SLC2A5: variants seen among roughly 807,000 people sequenced by gnomAD.
SLC2A5 encodes the protein solute carrier family 2, facilitated glucose transporter member 5.
Under a neutral mutation model 50.3 loss-of-function variants are expected in SLC2A5, and 56 were observed. The ratio of observed to expected loss-of-function variants is 1.11; its 90% CI spans 0.90 to 1.39. The LOEUF (loss-of-function observed/expected upper bound fraction) is 1.39, where lower values mean the gene tolerates loss of function less well. Among genes scored for constraint, SLC2A5 ranks in the 40% most tolerant of loss-of-function variants. The probability of loss-of-function intolerance (pLI) is 0.00; values close to 1 mark genes in which losing one functional copy is unlikely to be tolerated. For missense variants in SLC2A5, 566 were observed against 650.1 expected, an observed-to-expected ratio of 0.87 and a Z score of 1.41; for synonymous variants, 269 against 281.9, an observed-to-expected ratio of 0.95 and a Z score of 0.46.
At chr1:9,042,790 T>C (rs1413012847) in intron 4 of SLC2A5, among the ~76,000 whole-genome samples, 2 of 152,076 alleles carry the variant, frequency 1.3e-5, no homozygotes, top group African/African-American at 4.8e-5. Context: ...AATAAACCAA[T>C]GCAGAGATAG....
chr1:9,093,942 A>T, the SLC2A5 span, among the ~76,000 whole-genome samples: 1 of 151,118 alleles, frequency 6.6e-6, no homozygotes. Context: ...TCCAGGGCAG[A>T]TCAGGCCAAC....
At chr1:9,058,347 G>A in intron 1 of SLC2A5, 97 bp from the exon 2 acceptor site, 1 of 842,398 alleles carries the variant, frequency 1.2e-6, no homozygotes, top group Non-Finnish European at 2.0e-6. Flanking sequence ...AGAATCTGAA[G>A]ATCCATAGTC....
chr1:9,038,120 A>G lies in SLC2A5; in HGVS notation c.1175-96T>C, dbSNP rs1641185062. The G allele has an allele frequency of 4.9e-6, 7 of 1,431,140 alleles. No individual in the cohort carries two copies. In the South Asian group the frequency reaches 7.8e-5, roughly 16 times the overall value. 88.7% of individuals were successfully genotyped at this position (1,431,140 alleles called of 1,614,324 possible). ...CCCACCAGGTAGCTGGCCCCAGGAC[A>G]GAGGCGTCTCCAGGACTCTTGGGCA... is the stretch of plus-strand genomic sequence containing the variant. On this transcript the variant is annotated intron_variant, in intron 10 of 11. Transcript: ENST00000377424.
chr1:9,042,338 A>T (rs181614059), intron 4 of SLC2A5, among the ~76,000 whole-genome samples: 90 of 152,194 alleles, frequency 5.9e-4, no homozygotes, highest in Non-Finnish European at 1.2e-3. Flanking sequence ...GGGAGGATAG[A>T]TTACTTGGGG....
At chr1:9,070,836 CTGTG>C (rs111643348), upstream of SLC2A5, among the ~76,000 whole-genome samples, 1 of 150,044 alleles carries the variant, frequency 6.7e-6, no homozygotes, top group East Asian at 2.0e-4. Flanking sequence ...GCGTGGCCGT[CTGTG>C]TGTGTGTGTG....
intron 4 of SLC2A5, among the ~76,000 whole-genome samples, chr1:9,046,525 T>C (rs1166130166): frequency 2.0e-5 from 3 of 152,300 alleles, no homozygotes; most frequent in African/African-American, 7.2e-5. Flanking sequence ...AACTTTAAAT[T>C]GCCCTATAAA....
upstream of SLC2A5, among the ~76,000 whole-genome samples, chr1:9,073,580 G>T (rs553674259): frequency 6.6e-6 from 1 of 152,324 alleles, no homozygotes; most frequent in South Asian, 2.1e-4. Flanking sequence ...ACTTAGTAGG[G>T]AAGAAAAATA....
Position 9,038,846 on chromosome 1 carries a change from A to T in SLC2A5, c.1080T>A (p.Thr360=). 6.2e-7 allele frequency: 1 copy of T among 1,611,746 alleles called. No individual in the cohort carries two copies. Among genetic ancestry groups the T allele is most frequent in the African/African-American group, 1.3e-5 (1 of 75,042 alleles). Residue 360 remains threonine, a synonymous_variant, in exon 9 of 12, where the codon ACT becomes ACA. Transcript: ENST00000377424. Reference sequence around the variant, plus strand: ...TCCTCACCTGCAGTGCCAGAGCTGCAGTGAGCACGCAGCAGGCTATGAGGC... The same window carrying T: ...TCCTCACCTGCAGTGCCAGAGCTGCTGTGAGCACGCAGCAGGCTATGAGGC... The part of the protein sequence containing the change: ...SICLIACCVL[T]AALALQDTVS...
At chr1:9,086,277 AAAGG>A (rs1483345765) in intron 1 of SLC2A5, among the ~76,000 whole-genome samples, 1 of 152,200 alleles carries the variant, frequency 6.6e-6, no homozygotes, top group Non-Finnish European at 1.5e-5. Context: ...GCATTGCAGT[AAAGG>A]AAGAGTTTAA....
At chr1:9,063,710 T>A (rs1282013180) in intron 1 of SLC2A5, among the ~76,000 whole-genome samples, 4 of 68,314 alleles carry the variant, frequency 5.9e-5, no homozygotes, top group East Asian at 7.0e-4. Context: ...TTTTTTTTTT[T>A]TTGAGACGGA....
At chr1:9,049,332 A>G in intron 3 of SLC2A5, 1 of 382,812 alleles carries the variant, frequency 2.6e-6, no homozygotes, top group Non-Finnish European at 5.2e-6. Flanking sequence ...TCATAAAATA[A>G]GGAATCCAAA....
chr1:9,039,801 G>A lies in SLC2A5; in HGVS notation c.884C>T (p.Ala295Val), dbSNP rs745684759. Residue 295 changes from alanine (A) to valine (V), a missense_variant and splice_region_variant, in exon 7 of 12, where the codon GCT becomes GTT. Ala to Val is a moderately conservative substitution (Grantham distance 64). Transcript: ENST00000377424. ...MGGQQLSGVNAIYYYADQIYL... is the reference protein window; with the variant it reads ...MGGQQLSGVNVIYYYADQIYL... ...CCCGAGCCGCAGCCCGGCCCATACA[G>A]CGTTGACGCCCGACAGCTGCTGGCC... The A allele has an allele frequency of 3.2e-6, 5 of 1,578,058 alleles. No individual in the cohort carries two copies. Among genetic ancestry groups the A allele is most frequent in the Middle Eastern group, 3.3e-4 (2 of 5,992 alleles).
chr1:9,060,451 TC>T (rs1472999270), intron 1 of SLC2A5, among the ~76,000 whole-genome samples: 21 of 69,906 alleles, frequency 3.0e-4, no homozygotes, highest in Non-Finnish European at 3.3e-4. Context: ...CACACACACC[TC>T]CCACACACAC....
At position 9,059,408 on chromosome 1, in the gene SLC2A5, A is replaced by C. The variant is rs186869205; in HGVS notation, c.34-1158T>G. On this transcript the variant is annotated intron_variant, in intron 1 of 11. Transcript: ENST00000377424. Reference sequence around the variant, plus strand: ...TCTGCCTGCCTTGGCCTCCCAAAGTACTGGGATTACAGGCGTGAGCCACCA... The same window carrying C: ...TCTGCCTGCCTTGGCCTCCCAAAGTCCTGGGATTACAGGCGTGAGCCACCA... 2.7e-5 allele frequency among the ~76,000 whole-genome samples: 4 copies of C among 150,880 alleles called. No individual in the cohort carries two copies. The South Asian group carries it at 8.4e-4, about 32-fold the overall frequency.
In SLC2A5 at chr1:9,041,878, C is replaced by G; in HGVS notation, c.478G>C (p.Gly160Arg). ...LGELAPKNLR[G>R]ALGVVPQLFI... The stretch of plus-strand genomic sequence containing the variant: ...AGCTGGGGCACCACCCCGAGAGCCC[C>G]CCGCAGGTTTTTAGGGGCCAGCTCC... Residue 160 changes from glycine (G) to arginine (R), a missense_variant, in exon 5 of 12, where the codon GGG (glycine) becomes CGG (arginine). By Grantham distance (125) the Gly-to-Arg change is moderately radical. Coordinates refer to ENST00000377424, the MANE Select transcript of SLC2A5 (RefSeq NM_003039.3). 2 of 1,613,920 alleles carry G rather than the reference C, an allele frequency of 1.2e-6. No individual in the cohort carries two copies.
intron 2 of SLC2A5, among the ~76,000 whole-genome samples, chr1:9,084,481 G>A (rs1642384857): frequency 6.6e-6 from 1 of 152,220 alleles, no homozygotes; most frequent in Non-Finnish European, 1.5e-5. Flanking sequence ...GACACTGCCT[G>A]CGGTTAAGGT....
chr1:9,059,562 A>AGAGTTTTGC (rs58799445), intron 1 of SLC2A5, among the ~76,000 whole-genome samples: 1 of 94,694 alleles, frequency 1.1e-5, no homozygotes, highest in Non-Finnish European at 2.2e-5. Flanking sequence ...TTTCTGAGAC[A>AGAGTTTTGC]TTTCTTGCCC....
chr1:9,071,353 C>A (rs866878957), upstream of SLC2A5, among the ~76,000 whole-genome samples: 1 of 152,104 alleles, frequency 6.6e-6, no homozygotes, highest in Non-Finnish European at 1.5e-5. Flanking sequence ...GAGGTTGCAG[C>A]GCACCTAGAT....
intron 3 of SLC2A5, among the ~76,000 whole-genome samples, chr1:9,050,193 C>T (rs1312621017): frequency 1.3e-5 from 2 of 151,838 alleles, no homozygotes; most frequent in East Asian, 1.9e-4. Flanking sequence ...TAGAGAATTG[C>T]TTGAACTCAG....
Sources: gnomAD v4.1 joint callset for allele counts (sites outside exome capture counted in the v4.1 genomes callset) on GRCh38, gnomAD v4.1.1 for gene constraint, MANE v1.5 for transcripts, NCBI Gene and HGNC (gene_info 2026-07-23, HGNC 2026-07-21) for gene names.